The following BOC variants were observed in gnomAD, a reference collection of about 807,000 sequenced individuals.
The protein encoded by BOC is brother of CDO.
Under a neutral mutation model 112.0 loss-of-function variants are expected in BOC, and 76 were observed. That is an observed-to-expected ratio of 0.68 (90% CI 0.56 to 0.82). The LOEUF (loss-of-function observed/expected upper bound fraction) is 0.82. Among genes scored for constraint, BOC ranks in the 40% least tolerant of loss-of-function variants. The pLI, the probability that BOC is intolerant of heterozygous loss-of-function variation, is 0.00. For synonymous variants in BOC, 580 were observed against 599.8 expected (o/e 0.97, Z 0.48); for missense variants, 1,309 against 1,511.7 (o/e 0.87, Z 2.22).
intron 4 of BOC, among the ~76,000 whole-genome samples, chr3:113,253,611 C>T (rs1205916802): frequency 6.6e-6 from 1 of 151,814 alleles, no homozygotes; most frequent in East Asian, 1.9e-4. Context: ...GTGTACTAAT[C>T]TTAAGTGAAC....
At chr3:113,226,972 C>A (rs1050454636) in intron 2 of BOC, among the ~76,000 whole-genome samples, 2 of 152,222 alleles carry the variant, frequency 1.3e-5, no homozygotes, top group Non-Finnish European at 2.9e-5. Flanking sequence ...GCCTTCAAGA[C>A]ATCTATATTC....
At position 113,217,167 on chromosome 3, in the gene BOC, G is replaced by A. The variant is rs535225217; in HGVS notation, c.-82+893G>A. On this transcript the variant is annotated intron_variant, in intron 2 of 19. Coordinates refer to ENST00000682979, the MANE Select transcript of BOC (RefSeq NM_001378074.1). Reference sequence around the variant, plus strand: ...TCCTATTACTGGCCTGAAGGGAAACGCAGAGCACTGCCATGCAAACTCTAG... The same window carrying A: ...TCCTATTACTGGCCTGAAGGGAAACACAGAGCACTGCCATGCAAACTCTAG... Among the ~76,000 whole-genome samples the A allele has an allele frequency of 2.9e-4, 44 of 152,258 alleles. 1 individual carries two copies. In the South Asian group the frequency reaches 7.7e-3, roughly 27 times the overall value.
intron 2 of BOC, among the ~76,000 whole-genome samples, chr3:113,248,707 A>G (rs543938442): frequency 4.3e-4 from 66 of 152,206 alleles, no homozygotes; most frequent in Non-Finnish European, 7.5e-4. Context: ...ACACTTGCCC[A>G]TGTGATTTTG....
rs1293262395 is a variant in BOC, at chr3:113,236,256, GTGTGTGTGTGTATA to G, written c.-81-13464_-81-13451del. 5.4e-4 allele frequency among the ~76,000 whole-genome samples: 20 copies of G among 37,018 alleles called. 1 individual carries two copies. The highest frequency in any genetic ancestry group is 1.4e-3 in the African/African-American group (19 of 13,434). 24.3% of individuals were successfully genotyped at this position (37,018 alleles called of 152,430 possible). On this transcript the variant is annotated intron_variant, in intron 2 of 19. Coordinates refer to ENST00000682979, the MANE Select transcript of BOC (RefSeq NM_001378074.1). ...TGTGTGTGTGTGTGTGTGTGTGTGTGTGTGTGTGTGTATATATACCCATGGGTATATATATATAT... is the reference window on the plus strand; with the variant it reads ...TGTGTGTGTGTGTGTGTGTGTGTGTGTATACCCATGGGTATATATATATAT...
At chr3:113,272,739 T>C in intron 7 of BOC, 36 bp downstream of exon 7, 3 of 1,605,268 alleles carry the variant, frequency 1.9e-6, no homozygotes, top group Non-Finnish European at 2.6e-6. Flanking sequence ...CTGCTTGGCC[T>C]TCTCTCTGGT....
At chr3:113,226,020 CCGTG>C (rs1163225225) in intron 2 of BOC, among the ~76,000 whole-genome samples, 1 of 152,196 alleles carries the variant, frequency 6.6e-6, no homozygotes, top group Admixed American at 6.5e-5. Context: ...AGACTGGCTT[CCGTG>C]GATACACACC....
intron 4 of BOC, among the ~76,000 whole-genome samples, chr3:113,254,041 A>G (rs1945943401): frequency 6.6e-6 from 1 of 152,302 alleles, no homozygotes; most frequent in South Asian, 2.1e-4. Context: ...TTCAAGGTGT[A>G]TCTGTGTGAG....
chr3:113,285,248 CCT>C, intron 18 of BOC, 122 bp from the exon 19 acceptor site: 4 of 864,798 alleles, frequency 4.6e-6, no homozygotes, highest in Non-Finnish European at 7.5e-6. Context: ...GGAGAGCAGT[CCT>C]TGCCCCATCT....
In BOC at chr3:113,280,771, G is replaced by A. The variant is rs1229557532; in HGVS notation, c.2311+108G>A. On this transcript the variant is annotated intron_variant, in intron 14 of 19. Coordinates refer to ENST00000682979, the MANE Select transcript of BOC (RefSeq NM_001378074.1). Reference sequence around the variant, plus strand: ...GGTGAAGCATAAACCTGCATCTGGTGTGACACGAAGCTCTAAGCTCCGTGT... The same window carrying A: ...GGTGAAGCATAAACCTGCATCTGGTATGACACGAAGCTCTAAGCTCCGTGT... The A allele has an allele frequency of 6.2e-6, 6 of 962,758 alleles. No homozygotes were observed. The Admixed American group carries it at 1.1e-4, about 18-fold the overall frequency. 59.6% of individuals were successfully genotyped at this position (962,758 alleles called of 1,614,324 possible).
In BOC at chr3:113,249,712, C is replaced by T; in HGVS notation, c.-81-10C>T. The T allele has an allele frequency of 9.1e-7, 1 of 1,102,328 alleles. No homozygotes were observed. Among genetic ancestry groups the T allele is most frequent in the Non-Finnish European group, 1.3e-6 (1 of 763,508 alleles). 68.3% of individuals were successfully genotyped at this position (1,102,328 alleles called of 1,614,324 possible). A position where few individuals can be genotyped will look rare whatever the true frequency, so the allele number is the denominator to read the frequency against. Reference sequence around the variant, plus strand: ...CATGGCCATTGCTCTCCCTTTCTCTCTTACAACAGAGTGTTGCCAGGGACG... The same window carrying T: ...CATGGCCATTGCTCTCCCTTTCTCTTTTACAACAGAGTGTTGCCAGGGACG... On this transcript the variant is annotated splice_polypyrimidine_tract_variant and intron_variant, in intron 2 of 19. Transcript: ENST00000682979.
At chr3:113,255,796 C>T (rs1345584196) in intron 4 of BOC, among the ~76,000 whole-genome samples, 1 of 152,186 alleles carries the variant, frequency 6.6e-6, no homozygotes, top group Non-Finnish European at 1.5e-5. Context: ...TCATGAATCT[C>T]TGACTTTGAG....
rs768528474 is a variant in BOC, at chr3:113,274,540, G to C, written c.1400G>C (p.Gly467Ala). The C allele has an allele frequency of 2.5e-6, 4 of 1,613,380 alleles. No individual in the cohort carries two copies. In the Admixed American group the frequency reaches 6.7e-5, roughly 27 times the overall value. ...TCCCCGCAGTGTCCAGGAGAGAAGG[G>C]GCAGGGGGCTCCCGCCGAGGCTCCC... is the stretch of plus-strand genomic sequence containing the variant. The part of the protein sequence containing the change: ...PASPQCPGEK[G>A]QGAPAEAPII... Residue 467 changes from glycine (G) to alanine (A), a missense_variant, in exon 9 of 20, where the codon GGG (glycine) becomes GCG (alanine). Gly to Ala is a moderately conservative substitution (Grantham distance 60, BLOSUM62 0). Coordinates refer to ENST00000682979, the MANE Select transcript of BOC (RefSeq NM_001378074.1). The surrounding 1 kb of genome is among the most constrained non-coding windows in gnomAD (Gnocchi z 4.8).
At chr3:113,257,977 A>G (rs148311018) in intron 4 of BOC, among the ~76,000 whole-genome samples, 5 of 152,210 alleles carry the variant, frequency 3.3e-5, no homozygotes, top group Non-Finnish European at 7.4e-5. Context: ...TCTCAGTCTA[A>G]TGGAGAAGGT....
intron 2 of BOC, among the ~76,000 whole-genome samples, chr3:113,237,068 T>A (rs1156911686): frequency 6.6e-6 from 1 of 152,226 alleles, no homozygotes; most frequent in African/African-American, 2.4e-5. Context: ...CCTGCTGAGC[T>A]CCAATGCTGT....
intron 2 of BOC, among the ~76,000 whole-genome samples, chr3:113,245,942 C>G (rs946012117): frequency 2.6e-5 from 4 of 152,212 alleles, no homozygotes; most frequent in Non-Finnish European, 5.9e-5. Flanking sequence ...TGTTCTCACT[C>G]TTGATCCAGT....
rs763271741 is a variant in BOC, at chr3:113,274,553, C to G, written c.1413C>G (p.Pro471=). 3 of 1,613,468 alleles carry G rather than the reference C, an allele frequency of 1.9e-6. No homozygotes were observed. The highest frequency in any genetic ancestry group is 2.2e-5 in the South Asian group (2 of 91,076). Residue 471 remains proline (P), a synonymous_variant, in exon 9 of 20, where the codon CCC becomes CCG. Transcript: ENST00000682979. The surrounding 1 kb of genome is among the most constrained non-coding windows in gnomAD (Gnocchi z 4.8). The part of the protein sequence containing the change: ...QCPGEKGQGA[P]AEAPIILSSP... ...CAGGAGAGAAGGGGCAGGGGGCTCC[C>G]GCCGAGGCTCCCATCATCCTCAGCT...
chr3:113,248,873 T>A (rs1269564653), intron 2 of BOC, among the ~76,000 whole-genome samples: 1 of 152,112 alleles, frequency 6.6e-6, no homozygotes, highest in Non-Finnish European at 1.5e-5. Context: ...CAAAGCAATG[T>A]TGTTCTGGGT....
At chr3:113,262,454 CAAT>C (rs1946994895) in intron 4 of BOC, among the ~76,000 whole-genome samples, 1 of 152,208 alleles carries the variant, frequency 6.6e-6, no homozygotes, top group South Asian at 2.1e-4. Context: ...ATGAATGACT[CAAT>C]GATGACCAGA....
chr3:113,264,434 C>T (rs1186216230), intron 4 of BOC, among the ~76,000 whole-genome samples: 7 of 152,186 alleles, frequency 4.6e-5, no homozygotes, highest in African/African-American at 1.7e-4. Flanking sequence ...CTTTCTGCAG[C>T]GGAGGCCTGC....
Sources: allele counts gnomAD v4.1 joint callset (sites outside exome capture counted in the v4.1 genomes callset), GRCh38; gene constraint gnomAD v4.1.1; non-coding constraint Gnocchi (gnomAD v3.1); transcripts MANE v1.5; gene names NCBI Gene and HGNC (gene_info 2026-07-23, HGNC 2026-07-21).